The following SGPP1 variants were observed in gnomAD, a reference collection of about 807,000 sequenced individuals.
The protein encoded by SGPP1 is sphingosine-1-phosphate phosphatase 1.
Under a neutral mutation model 33.0 loss-of-function variants are expected in SGPP1, and 21 were observed. That is an observed-to-expected ratio of 0.64 (90% CI 0.45 to 0.92). SGPP1 has a LOEUF of 0.92. SGPP1 is among the 40% of genes least tolerant of loss of function. The probability of loss-of-function intolerance (pLI) is 0.00; values close to 1 mark genes in which losing one functional copy is unlikely to be tolerated. For synonymous variants in SGPP1, 239 were observed against 241.2 expected, an observed-to-expected ratio of 0.99 and a Z score of 0.08; for missense variants, 543 against 589.4, an observed-to-expected ratio of 0.92 and a Z score of 0.81.
At chr14:63,692,331 G>A (rs1885106967) in intron 2 of SGPP1, among the ~76,000 whole-genome samples, 1 of 152,164 alleles carries the variant, frequency 6.6e-6, no homozygotes, top group South Asian at 2.1e-4. Flanking sequence ...ACTGGAGTAA[G>A]GTCACACAGC....
chr14:63,698,481 C>T (rs1885232582), intron 2 of SGPP1, 88 bp downstream of exon 2: 2 of 628,998 alleles, frequency 3.2e-6, no homozygotes, highest in Non-Finnish European at 5.1e-6. Flanking sequence ...ATTTAGGCTT[C>T]AGGTAAGTTT....
chr14:63,695,079 G>C (rs905176638), intron 2 of SGPP1, among the ~76,000 whole-genome samples: 65 of 151,212 alleles, frequency 4.3e-4, no homozygotes, highest in Non-Finnish European at 7.8e-4. Flanking sequence ...TTTTTTGAGA[G>C]GGAGTCTCGC....
chr14:63,693,241 A>G (rs1269613397), intron 2 of SGPP1, among the ~76,000 whole-genome samples: 2 of 152,228 alleles, frequency 1.3e-5, no homozygotes, highest in Admixed American at 6.5e-5. Context: ...CCAATTCTTC[A>G]TATTTCAGAG....
At chr14:63,695,079 G>A (rs905176638) in intron 2 of SGPP1, among the ~76,000 whole-genome samples, 3 of 151,098 alleles carry the variant, frequency 2.0e-5, no homozygotes, top group African/African-American at 7.3e-5. Flanking sequence ...TTTTTTGAGA[G>A]GGAGTCTCGC....
At chr14:63,719,005 TATATATA>T (rs1566536719) in intron 1 of SGPP1, among the ~76,000 whole-genome samples, 53 of 27,810 alleles carry the variant, frequency 1.9e-3, no homozygotes, top group African/African-American at 5.4e-3. Context: ...TATATATATA[TATATATA>T]TATTTTTTTT....
At chr14:63,702,526 A>T (rs886395002) in intron 1 of SGPP1, among the ~76,000 whole-genome samples, 1 of 152,142 alleles carries the variant, frequency 6.6e-6, no homozygotes, top group African/African-American at 2.4e-5. Flanking sequence ...CCTGGCCAAC[A>T]GGATGAAACC....
At chr14:63,724,699 G>A (rs1885842214) in intron 1 of SGPP1, among the ~76,000 whole-genome samples, 1 of 151,248 alleles carries the variant, frequency 6.6e-6, no homozygotes, top group African/African-American at 2.4e-5. Context: ...AGCACTCTGG[G>A]AGGCCAGTGG....
At chr14:63,706,650 T>A (rs560613404) in intron 1 of SGPP1, among the ~76,000 whole-genome samples, 1 of 152,278 alleles carries the variant, frequency 6.6e-6, no homozygotes, top group South Asian at 2.1e-4. Context: ...CATGAAAACA[T>A]GTGTCAAACG....
chr14:63,705,938 C>A (rs994356606), intron 1 of SGPP1, among the ~76,000 whole-genome samples: 2 of 152,068 alleles, frequency 1.3e-5, no homozygotes, highest in Non-Finnish European at 2.9e-5. Context: ...TAACTATATC[C>A]CCCAAAGAAA....
intron 1 of SGPP1, among the ~76,000 whole-genome samples, chr14:63,718,596 G>A (rs1885680967): frequency 6.6e-6 from 1 of 152,042 alleles, no homozygotes; most frequent in Admixed American, 6.6e-5. Flanking sequence ...GCAGGGATAA[G>A]TGGAAATATA....
At chr14:63,721,927 C>T (rs1021215790) in intron 1 of SGPP1, among the ~76,000 whole-genome samples, 4 of 152,134 alleles carry the variant, frequency 2.6e-5, no homozygotes, top group Admixed American at 6.5e-5. Context: ...TATATAAAAG[C>T]TATTCTCATA....
intron 1 of SGPP1, among the ~76,000 whole-genome samples, chr14:63,721,010 G>T (rs1885759309): frequency 6.6e-6 from 1 of 152,174 alleles, no homozygotes; most frequent in South Asian, 2.1e-4. Context: ...AGCCTCCCAA[G>T]TAGTTGGGAC....
chr14:63,705,451 T>G (rs1450160107), intron 1 of SGPP1, among the ~76,000 whole-genome samples: 1 of 151,334 alleles, frequency 6.6e-6, no homozygotes, highest in Non-Finnish European at 1.5e-5. Context: ...GCAGATTGCT[T>G]GAGCCCAGGA....
At chr14:63,694,291 A>G (rs918898146) in intron 2 of SGPP1, among the ~76,000 whole-genome samples, 4 of 152,090 alleles carry the variant, frequency 2.6e-5, no homozygotes, top group Non-Finnish European at 5.9e-5. Context: ...AAAAGAAAAA[A>G]AAAAAAGAAA....
intron 1 of SGPP1, among the ~76,000 whole-genome samples, chr14:63,709,271 G>A (rs1566822571): frequency 1.3e-5 from 2 of 151,970 alleles, no homozygotes; most frequent in Non-Finnish European, 2.9e-5. Flanking sequence ...CTACTCGGGA[G>A]GCTGAGGCAG....
intron 2 of SGPP1, among the ~76,000 whole-genome samples, chr14:63,687,666 A>G (rs1278134618): frequency 6.6e-6 from 1 of 152,206 alleles, no homozygotes; most frequent in Non-Finnish European, 1.5e-5. Context: ...TATCAAGTGC[A>G]AAGGCTTTTG....
chr14:63,719,490 A>G (rs190158587), intron 1 of SGPP1, among the ~76,000 whole-genome samples: 10 of 152,160 alleles, frequency 6.6e-5, no homozygotes, highest in African/African-American at 1.2e-4. Flanking sequence ...TTAAATGCCT[A>G]TATTCTTTGA....
chr14:63,696,322 AT>A (rs1885185500), intron 2 of SGPP1, among the ~76,000 whole-genome samples: 1 of 152,210 alleles, frequency 6.6e-6, no homozygotes, highest in Non-Finnish European at 1.5e-5. Context: ...GAGATTATAT[AT>A]TCAATGTGAT....
chr14:63,724,727 G>A (rs1034153412), intron 1 of SGPP1, among the ~76,000 whole-genome samples: 17 of 150,754 alleles, frequency 1.1e-4, no homozygotes, highest in East Asian at 5.9e-4. Context: ...GCCGATGAGC[G>A]GGGGGCGGCT....
Sources: gnomAD v4.1 joint callset for allele counts (sites outside exome capture counted in the v4.1 genomes callset) on GRCh38, gnomAD v4.1.1 for gene constraint, MANE v1.5 for transcripts, NCBI Gene and HGNC (gene_info 2026-07-23, HGNC 2026-07-21) for gene names.